The following SCAPER variants were observed in gnomAD, a reference collection of about 807,000 sequenced individuals.
The protein encoded by SCAPER is S-phase cyclin A associated protein in the ER.
A neutral mutation model predicts 182.2 loss-of-function variants in SCAPER; 98 were observed. The observed-to-expected ratio is 0.54, with a 90% CI of 0.46 to 0.64. The LOEUF is 0.64. SCAPER is among the 30% of genes least tolerant of loss of function. The pLI, the probability that SCAPER is intolerant of heterozygous loss-of-function variation, is 0.00. For missense variants in SCAPER, 1,432 were observed against 1,690.0 expected, an observed-to-expected ratio of 0.85 and a Z score of 2.68; for synonymous variants, 605 against 564.6, an observed-to-expected ratio of 1.07 and a Z score of -1.01.
chr15:76,396,382 G>C (rs1394290951), intron 27 of SCAPER, among the ~76,000 whole-genome samples: 1 of 152,124 alleles, frequency 6.6e-6, no homozygotes, highest in Non-Finnish European at 1.5e-5. Context: ...GTTTTGATAA[G>C]GATTGCATGG....
chr15:76,504,265 G>A (rs571951127), intron 24 of SCAPER, among the ~76,000 whole-genome samples: 1 of 152,006 alleles, frequency 6.6e-6, no homozygotes, highest in Non-Finnish European at 1.5e-5. Flanking sequence ...AACTGCAGAC[G>A]TTACAACCCA....
chr15:76,798,927 G>A (rs983625727), intron 7 of SCAPER, among the ~76,000 whole-genome samples: 6 of 151,778 alleles, frequency 4.0e-5, no homozygotes, highest in African/African-American at 1.5e-4. Flanking sequence ...ATAGTAACTC[G>A]AATCTGTATG....
Position 76,733,327 on chromosome 15 carries a change from A to G in SCAPER, c.1924T>C (p.Leu642=), listed in dbSNP as rs760217492. The change falls in exon 16 of 32, where the codon TTA becomes CTA. Residue 642 remains leucine, a synonymous_variant. Coordinates refer to ENST00000563290, the MANE Select transcript of SCAPER (RefSeq NM_020843.4). ...TGTTCATATTCCTTCAATTTTGATA[A>G]AACATCATGACGTTTATTCTGGGCT... is the stretch of plus-strand genomic sequence containing the variant. ...LEAQNKRHDV[L]SKLKEYEQRL... 1 of 1,613,642 alleles carries G rather than the reference A, an allele frequency of 6.2e-7. No homozygotes were observed. The highest frequency in any genetic ancestry group is 1.1e-5 in the South Asian group (1 of 91,020).
chr15:76,417,255 T>C (rs993621428), intron 26 of SCAPER, among the ~76,000 whole-genome samples: 3 of 152,154 alleles, frequency 2.0e-5, no homozygotes, highest in Non-Finnish European at 2.9e-5. Flanking sequence ...TACTCTTCTG[T>C]GTTTTCCAAA....
intron 2 of SCAPER, among the ~76,000 whole-genome samples, chr15:76,871,655 C>T (rs1444137226): frequency 6.6e-6 from 1 of 150,508 alleles, no homozygotes; most frequent in East Asian, 2.0e-4. Flanking sequence ...TCACTGAAGC[C>T]TCTGCCTCCT....
At chr15:76,422,788 C>T (rs190123006) in intron 26 of SCAPER, among the ~76,000 whole-genome samples, 12 of 152,132 alleles carry the variant, frequency 7.9e-5, no homozygotes, top group East Asian at 3.9e-4. Flanking sequence ...TTTTGAGATA[C>T]GACCCATCAA....
chr15:76,503,396 T>G (rs2143788173), intron 24 of SCAPER, among the ~76,000 whole-genome samples: 1 of 152,318 alleles, frequency 6.6e-6, no homozygotes, highest in Non-Finnish European at 1.5e-5. Flanking sequence ...AAAGATTTCC[T>G]GACTTAAAGA....
At chr15:76,831,954 G>A (rs777055110) in intron 5 of SCAPER, among the ~76,000 whole-genome samples, 1 of 152,086 alleles carries the variant, frequency 6.6e-6, no homozygotes, top group Non-Finnish European at 1.5e-5. Context: ...AAACCCTCAA[G>A]GGCATCAAAG....
chr15:76,440,076 A>G (rs1018548040), intron 25 of SCAPER, among the ~76,000 whole-genome samples: 1 of 152,200 alleles, frequency 6.6e-6, no homozygotes, highest in Non-Finnish European at 1.5e-5. Flanking sequence ...ATTTGTAGAT[A>G]TTTCATACAG....
intron 23 of SCAPER, among the ~76,000 whole-genome samples, chr15:76,549,079 G>C (rs1455744288): frequency 6.6e-6 from 1 of 152,044 alleles, no homozygotes; most frequent in Non-Finnish European, 1.5e-5. Flanking sequence ...AATCTACAAA[G>C]AACTCAAACA....
At chr15:76,449,357 TG>T (rs1346295142) in intron 25 of SCAPER, among the ~76,000 whole-genome samples, 5 of 152,248 alleles carry the variant, frequency 3.3e-5, no homozygotes, top group Admixed American at 2.0e-4. Context: ...GATTTTGATC[TG>T]TATTCTATAC....
At chr15:76,564,901 C>T (rs2046916972) in intron 23 of SCAPER, among the ~76,000 whole-genome samples, 2 of 152,044 alleles carry the variant, frequency 1.3e-5, no homozygotes, top group Non-Finnish European at 2.9e-5. Flanking sequence ...ACAAACCTGA[C>T]AAAAACAAGC....
rs1332166324 is a variant in SCAPER at position 76,697,856 on chromosome 15, T to C, written c.2508+3902A>G. The stretch of plus-strand genomic sequence containing the variant: ...GGTTTCACCATGTCGGCCAGGCTGG[T>C]CTCGAACTCCCGACCTCAGGTGATC... On this transcript the variant is annotated intron_variant, in intron 20 of 31. Transcript: ENST00000563290. 2.0e-5 allele frequency among the ~76,000 whole-genome samples: 3 copies of C among 152,068 alleles called. No homozygotes were observed. In the East Asian group the frequency reaches 5.8e-4, roughly 29 times the overall value.
chr15:76,864,634 C>T (rs1326865424), intron 2 of SCAPER, among the ~76,000 whole-genome samples: 6 of 151,914 alleles, frequency 3.9e-5, no homozygotes, highest in African/African-American at 1.4e-4. Flanking sequence ...AAAAAAAAGT[C>T]ACTATAGTAC....
At chr15:76,357,188 A>ACACACACACACACACACC (rs774672151) in intron 29 of SCAPER, among the ~76,000 whole-genome samples, 84 of 149,180 alleles carry the variant, frequency 5.6e-4, no homozygotes, top group Non-Finnish European at 8.5e-4. Flanking sequence ...ACACACACAC[A>ACACACACACACACACACC]CCCCTATGGC....
At chr15:76,789,091 C>T (rs895329357) in intron 8 of SCAPER, among the ~76,000 whole-genome samples, 3 of 152,034 alleles carry the variant, frequency 2.0e-5, no homozygotes, top group Non-Finnish European at 4.4e-5. Context: ...TAGGCATTTT[C>T]TTAAAAATAT....
chr15:76,371,918 C>CAA (rs1187825847), intron 29 of SCAPER, among the ~76,000 whole-genome samples: 2 of 146,002 alleles, frequency 1.4e-5, no homozygotes, highest in African/African-American at 5.1e-5. Flanking sequence ...AACTCTGTCT[C>CAA]AAAAAAAAAA....
chr15:76,803,388 A>C (rs1010023315), intron 6 of SCAPER, among the ~76,000 whole-genome samples: 2 of 152,132 alleles, frequency 1.3e-5, no homozygotes, highest in Non-Finnish European at 2.9e-5. Context: ...GACTTAGCAA[A>C]CTGGTTAAGA....
At chr15:76,770,303 T>C (rs571642032) in intron 10 of SCAPER, among the ~76,000 whole-genome samples, 67 of 151,808 alleles carry the variant, frequency 4.4e-4, no homozygotes, top group Admixed American at 9.2e-4. Context: ...TGTATACCTA[T>C]GTAACAAACC....
Sources: gnomAD v4.1 joint callset for allele counts (sites outside exome capture counted in the v4.1 genomes callset) on GRCh38, gnomAD v4.1.1 for gene constraint, MANE v1.5 for transcripts, NCBI Gene and HGNC (gene_info 2026-07-23, HGNC 2026-07-21) for gene names.